The following TBC1D5 variants were observed in gnomAD, a reference collection of about 807,000 sequenced individuals.
The protein encoded by TBC1D5 is TBC1 domain family member 5.
Under a neutral mutation model 100.3 loss-of-function variants are expected in TBC1D5, and 75 were observed. The ratio of observed to expected loss-of-function variants is 0.75; its 90% CI spans 0.62 to 0.91. TBC1D5 has a LOEUF of 0.91. Ranked by LOEUF, TBC1D5 falls within the 40% of genes least tolerant of loss-of-function variation. TBC1D5 has a pLI of 0.00. For synonymous variants in TBC1D5, 323 were observed against 325.6 expected, an observed-to-expected ratio of 0.99 and a Z score of 0.09; for missense variants, 910 against 942.4, an observed-to-expected ratio of 0.97 and a Z score of 0.45.
At chr3:17,720,022 A>T (rs1191952011) in intron 1 of TBC1D5, among the ~76,000 whole-genome samples, 2 of 152,226 alleles carry the variant, frequency 1.3e-5, no homozygotes, top group Non-Finnish European at 2.9e-5. Context: ...AAACTACACA[A>T]AAATTTGCTC....
intron 17 of TBC1D5, among the ~76,000 whole-genome samples, chr3:17,236,674 C>T (rs1017457673): frequency 6.6e-6 from 1 of 151,942 alleles, no homozygotes; most frequent in African/African-American, 2.4e-5. Context: ...TTAGTAGACA[C>T]GGGGTTTCAC....
At chr3:17,716,029 G>A (rs948743519) in intron 1 of TBC1D5, among the ~76,000 whole-genome samples, 1 of 152,062 alleles carries the variant, frequency 6.6e-6, no homozygotes, top group African/African-American at 2.4e-5. Flanking sequence ...TCCAGCCTGG[G>A]CGAAAAGAGT....
At chr3:17,360,436 C>T (rs1043578671) in intron 13 of TBC1D5, among the ~76,000 whole-genome samples, 7 of 151,668 alleles carry the variant, frequency 4.6e-5, no homozygotes, top group Non-Finnish European at 1.0e-4. Context: ...AGATATACAA[C>T]CAAAAGAAAG....
At chr3:17,509,244 T>C (rs1467883388) in intron 2 of TBC1D5, among the ~76,000 whole-genome samples, 1 of 151,944 alleles carries the variant, frequency 6.6e-6, no homozygotes, top group East Asian at 1.9e-4. Context: ...GCACAATTTA[T>C]GTAACCAATT....
chr3:17,353,341 T>TATA (rs934731973), intron 13 of TBC1D5, among the ~76,000 whole-genome samples: 1 of 152,036 alleles, frequency 6.6e-6, no homozygotes, highest in Non-Finnish European at 1.5e-5. Context: ...ACAGCAAGAG[T>TATA]ATAAGGTCCA....
intron 1 of TBC1D5, among the ~76,000 whole-genome samples, chr3:17,697,590 T>G (rs1262398969): frequency 6.6e-6 from 1 of 152,148 alleles, no homozygotes; most frequent in Non-Finnish European, 1.5e-5. Context: ...AAACCACTGC[T>G]CAATGAAATA....
At chr3:17,688,347 G>C (rs1452437103) in intron 1 of TBC1D5, among the ~76,000 whole-genome samples, 1 of 152,024 alleles carries the variant, frequency 6.6e-6, no homozygotes, top group Non-Finnish European at 1.5e-5. Context: ...GCTCTCCTTT[G>C]AGGAATTGTA....
intron 16 of TBC1D5, among the ~76,000 whole-genome samples, chr3:17,243,311 T>C (rs994464280): frequency 2.6e-5 from 4 of 152,192 alleles, no homozygotes; most frequent in African/African-American, 9.6e-5. Flanking sequence ...TATGTGCTTA[T>C]TGAATTTCGA....
intron 13 of TBC1D5, among the ~76,000 whole-genome samples, chr3:17,368,044 C>T (rs1470808080): frequency 6.6e-6 from 1 of 151,966 alleles, no homozygotes; most frequent in Non-Finnish European, 1.5e-5. Context: ...TTTATTTAAC[C>T]TAAAATACAG....
At chr3:17,255,960 C>T (rs1330919426) in intron 16 of TBC1D5, among the ~76,000 whole-genome samples, 1 of 152,104 alleles carries the variant, frequency 6.6e-6, no homozygotes, top group Non-Finnish European at 1.5e-5. Flanking sequence ...GGCGGGAACC[C>T]GGGAGGCGGA....
At chr3:17,218,676 T>C (rs1187926056) in intron 17 of TBC1D5, among the ~76,000 whole-genome samples, 1 of 152,002 alleles carries the variant, frequency 6.6e-6, no homozygotes, top group African/African-American at 2.4e-5. Context: ...TTTTATTGGA[T>C]ATATAATAGA....
chr3:17,328,272 A>AT (rs981727302), intron 13 of TBC1D5, among the ~76,000 whole-genome samples: 35 of 146,566 alleles, frequency 2.4e-4, no homozygotes, highest in Admixed American at 1.5e-3. Context: ...CTGTCTCTTT[A>AT]TTTAAAAAAA....
intron 13 of TBC1D5, among the ~76,000 whole-genome samples, chr3:17,329,726 A>AT (rs1359921905): frequency 6.6e-6 from 1 of 152,060 alleles, no homozygotes; most frequent in Non-Finnish European, 1.5e-5. Flanking sequence ...CCTCCTGAAC[A>AT]TTTCCTTGGT....
intron 1 of TBC1D5, among the ~76,000 whole-genome samples, chr3:17,640,157 A>G (rs998570843): frequency 3.9e-5 from 6 of 152,108 alleles, no homozygotes; most frequent in African/African-American, 1.4e-4. Flanking sequence ...CAAACTCCAC[A>G]TTTCCTACAA....
chr3:17,681,947 G>A lies in TBC1D5; in HGVS notation c.-101+57396C>T, dbSNP rs984151765. On this transcript the variant is annotated intron_variant, in intron 1 of 21. Coordinates refer to ENST00000253692, the Ensembl canonical transcript of TBC1D5. Reference sequence around the variant, plus strand: ...GAATGCAAACCCTACCGTGAACTGCGCATGCAAGGGAGCTAGGTTGCCTGC... The same window carrying A: ...GAATGCAAACCCTACCGTGAACTGCACATGCAAGGGAGCTAGGTTGCCTGC... Among the ~76,000 whole-genome samples the A allele has an allele frequency of 2.6e-5, 4 of 151,482 alleles. 1 individual carries two copies. The highest frequency in any genetic ancestry group is 7.4e-5 in the African/African-American group (3 of 40,788).
intron 1 of TBC1D5, among the ~76,000 whole-genome samples, chr3:17,637,223 T>TTTAA: frequency 6.9e-6 from 1 of 144,116 alleles, no homozygotes; most frequent in Non-Finnish European, 1.5e-5. Flanking sequence ...TTTTTTTATT[T>TTTAA]AGTAGAGACG....
At chr3:17,292,098 C>T (rs1559565194) in intron 14 of TBC1D5, 97 bp from the exon 15 acceptor site, 5 of 1,019,740 alleles carry the variant, frequency 4.9e-6, no homozygotes, top group Admixed American at 2.5e-5. Context: ...TCAATGAAAG[C>T]AAACCAATAA....
chr3:17,423,883 G>A (rs2149305884), intron 4 of TBC1D5, among the ~76,000 whole-genome samples: 1 of 152,212 alleles, frequency 6.6e-6, no homozygotes, highest in African/African-American at 2.4e-5. Context: ...GTTTCCCTGA[G>A]AATGCCAAAT....
At chr3:17,604,221 A>G (rs1361063887) in intron 2 of TBC1D5, among the ~76,000 whole-genome samples, 2 of 152,140 alleles carry the variant, frequency 1.3e-5, no homozygotes, top group South Asian at 2.1e-4. Context: ...CGGCCTCCCA[A>G]AGTTCTGGGA....
Sources: gnomAD v4.1 joint callset for allele counts (sites outside exome capture counted in the v4.1 genomes callset) on GRCh38, gnomAD v4.1.1 for gene constraint, MANE v1.5 for transcripts, NCBI Gene and HGNC (gene_info 2026-07-23, HGNC 2026-07-21) for gene names.